Variants in MRTFA observed in about 807,000 individuals in gnomAD.
The protein encoded by MRTFA is myocardin related transcription factor A.
Under a neutral mutation model 83.5 loss-of-function variants are expected in MRTFA, and 20 were observed. The observed-to-expected ratio is 0.24, with a 90% CI of 0.17 to 0.35. The LOEUF is 0.35. Ranked by LOEUF, MRTFA falls within the 10% of genes least tolerant of loss-of-function variation. The pLI, the probability that MRTFA is intolerant of heterozygous loss-of-function variation, is 1.00. For synonymous variants in MRTFA, 659 were observed against 541.2 expected (o/e 1.22, Z -3.02); for missense variants, 1,200 against 1,224.7 (o/e 0.98, Z 0.30).
chr22:40,484,847 C>T (rs1024396339), intron 3 of MRTFA, among the ~76,000 whole-genome samples: 6 of 151,760 alleles, frequency 4.0e-5, no homozygotes, highest in Non-Finnish European at 5.9e-5. Context: ...CCGACGCAGG[C>T]GGATCACGAG....
chr22:40,563,503 G>GAAA (rs55787923), intron 2 of MRTFA, among the ~76,000 whole-genome samples: 7 of 89,912 alleles, frequency 7.8e-5, no homozygotes, highest in Non-Finnish European at 1.2e-4. Context: ...CACAGATACA[G>GAAA]AAAAAAAAAA....
chr22:40,549,015 T>C (rs931005394), intron 3 of MRTFA, among the ~76,000 whole-genome samples: 2 of 152,102 alleles, frequency 1.3e-5, no homozygotes, highest in African/African-American at 4.8e-5. Flanking sequence ...AACAAAGTAA[T>C]GGATAGGAAG....
At chr22:40,610,552 T>A (rs931347709) in intron 1 of MRTFA, among the ~76,000 whole-genome samples, 1 of 152,140 alleles carries the variant, frequency 6.6e-6, no homozygotes, top group African/African-American at 2.4e-5. Context: ...GGCTTCCTTT[T>A]CAGGGGAATG....
intron 3 of MRTFA, among the ~76,000 whole-genome samples, chr22:40,539,466 A>C (rs565308075): frequency 7.0e-6 from 1 of 143,252 alleles, no homozygotes; most frequent in Admixed American, 6.9e-5. Context: ...TAGCCTCCCA[A>C]GTAGCTGGAC....
chr22:40,545,284 T>TA (rs528040030), intron 3 of MRTFA, among the ~76,000 whole-genome samples: 1 of 152,282 alleles, frequency 6.6e-6, no homozygotes, highest in Admixed American at 6.5e-5. Context: ...TGAAAGTTTT[T>TA]ATCAACGTTT....
intron 7 of MRTFA, among the ~76,000 whole-genome samples, chr22:40,428,839 T>C (rs2053008690): frequency 6.6e-6 from 1 of 152,118 alleles, no homozygotes; most frequent in African/African-American, 2.4e-5. Flanking sequence ...TTCCAGTGCC[T>C]TCTCATCAGG....
intron 3 of MRTFA, among the ~76,000 whole-genome samples, chr22:40,497,088 A>G (rs911747976): frequency 2.6e-5 from 4 of 152,244 alleles, no homozygotes; most frequent in Admixed American, 2.6e-4. Flanking sequence ...AGTTGACACT[A>G]CAGGCTGTTC....
intron 12 of MRTFA, among the ~76,000 whole-genome samples, 192 bp downstream of exon 12, chr22:40,418,182 G>A (rs894448978): frequency 2.6e-5 from 4 of 152,200 alleles, no homozygotes; most frequent in Admixed American, 6.5e-5. Context: ...CAATGGCTCC[G>A]CCCTACAGCT....
intron 2 of MRTFA, among the ~76,000 whole-genome samples, chr22:40,586,414 C>A (rs1376187978): frequency 1.3e-5 from 2 of 152,146 alleles, no homozygotes; most frequent in African/African-American, 4.8e-5. Context: ...AACCACTAAA[C>A]CACTCTAGCC....
chr22:40,581,297 G>A (rs375336988), intron 2 of MRTFA, among the ~76,000 whole-genome samples: 3 of 152,052 alleles, frequency 2.0e-5, no homozygotes, highest in Non-Finnish European at 2.9e-5. Flanking sequence ...ATTAAAACAC[G>A]TGTACATGTT....
chr22:40,471,133 G>T (rs2053904063), intron 3 of MRTFA, among the ~76,000 whole-genome samples: 2 of 145,354 alleles, frequency 1.4e-5, no homozygotes, highest in African/African-American at 5.1e-5. Context: ...TGTGATCCCA[G>T]CACTTTGGGA....
intron 14 of MRTFA, 196 bp from the exon 15 acceptor site, chr22:40,412,103 A>T (rs558086168): frequency 2.3e-6 from 1 of 432,384 alleles, no homozygotes; most frequent in Non-Finnish European, 3.9e-6. Flanking sequence ...TAAAGAAGTG[A>T]TATCCGGAAT....
intron 3 of MRTFA, among the ~76,000 whole-genome samples, chr22:40,545,699 C>T (rs1250771888): frequency 6.6e-6 from 1 of 151,298 alleles, no homozygotes; most frequent in Admixed American, 6.6e-5. Flanking sequence ...TCCCAAAGTG[C>T]TGGGATTACA....
intron 4 of MRTFA, among the ~76,000 whole-genome samples, chr22:40,455,441 T>C (rs1000872265): frequency 6.6e-6 from 1 of 151,186 alleles, no homozygotes; most frequent in Admixed American, 6.6e-5. Context: ...GGTCAGGAGA[T>C]TGAGACCATC....
In MRTFA at chr22:40,419,931, G is replaced by A. The variant is rs573797915; in HGVS notation, c.1353+474C>T. On this transcript the variant is annotated intron_variant, in intron 11 of 14. Coordinates refer to ENST00000355630, the MANE Select transcript of MRTFA (RefSeq NM_020831.6). ...TCCCAGGCAGACACTGCACCTGAAC[G>A]GCAGAGTGAGCTCTGCATTAACCGG... 6.6e-5 allele frequency among the ~76,000 whole-genome samples: 10 copies of A among 152,314 alleles called. No individual in the cohort carries two copies. The South Asian group carries it at 1.0e-3, about 16-fold the overall frequency.
intron 4 of MRTFA, among the ~76,000 whole-genome samples, chr22:40,459,953 T>C (rs1405583320): frequency 6.6e-6 from 1 of 150,606 alleles, no homozygotes; most frequent in African/African-American, 2.4e-5. Flanking sequence ...AAAGCATCAT[T>C]TGTCTTTTTG....
intron 3 of MRTFA, among the ~76,000 whole-genome samples, chr22:40,483,853 C>T (rs2054132281): frequency 6.6e-6 from 1 of 151,982 alleles, no homozygotes; most frequent in Non-Finnish European, 1.5e-5. Context: ...CAGTAGCATG[C>T]TTGACCAATT....
chr22:40,628,062 C>T (rs2056600947), intron 1 of MRTFA, among the ~76,000 whole-genome samples: 1 of 152,216 alleles, frequency 6.6e-6, no homozygotes, highest in Admixed American at 6.5e-5. Flanking sequence ...AATGCTGCTA[C>T]TACCACTTAT....
At position 40,538,695 on chromosome 22, in the gene MRTFA, T is replaced by C. The variant is rs548912082; in HGVS notation, c.241+13411A>G. ...GTGAAAACAGACTTTAAAATAAATT[T>C]CACAATTCTAAAAGTCTGAACCCCT... is the stretch of plus-strand genomic sequence containing the variant. On this transcript the variant is annotated intron_variant, in intron 3 of 14. Transcript: ENST00000355630. 2.6e-5 allele frequency among the ~76,000 whole-genome samples: 4 copies of C among 152,316 alleles called. No homozygotes were observed. The South Asian group carries it at 8.3e-4, about 32-fold the overall frequency.
Sources: allele counts gnomAD v4.1 joint callset (sites outside exome capture counted in the v4.1 genomes callset), GRCh38; gene constraint gnomAD v4.1.1; transcripts MANE v1.5; gene names NCBI Gene and HGNC (gene_info 2026-07-23, HGNC 2026-07-21).